Variants in PTBP2 observed in about 807,000 individuals in gnomAD.
PTBP2 encodes the protein polypyrimidine tract binding protein 2, also known as polypyrimidine tract-binding protein 2.
A neutral mutation model predicts 61.4 loss-of-function variants in PTBP2; 13 were observed. The observed-to-expected ratio is 0.21, with a 90% confidence interval of 0.14 to 0.34. The LOEUF (loss-of-function observed/expected upper bound fraction) is 0.34. PTBP2 is among the 10% of genes least tolerant of loss of function. The probability of loss-of-function intolerance (pLI) is 1.00; values close to 1 mark genes in which losing one functional copy is unlikely to be tolerated. For synonymous variants in PTBP2, 215 were observed against 218.5 expected, an observed-to-expected ratio of 0.98 and a Z score of 0.14; for missense variants, 405 against 642.6, an observed-to-expected ratio of 0.63 and a Z score of 4.00.
In PTBP2 at chr1:96,754,608, T is replaced by C. The variant is rs1654951180; in HGVS notation, c.115+3108T>C. Among the ~76,000 whole-genome samples, 3 of 152,264 alleles carry C rather than the reference T, an allele frequency of 2.0e-5. No homozygotes were observed. The South Asian group carries it at 6.2e-4, about 32-fold the overall frequency. On this transcript the variant is annotated intron_variant, in intron 3 of 13. Transcript: ENST00000674951. ...AGCATTGACTACCAGTTTTCAAGAATTACTGCAAAGCTACGGTAATTAAAA... is the reference window on the plus strand; with the variant it reads ...AGCATTGACTACCAGTTTTCAAGAACTACTGCAAAGCTACGGTAATTAAAA...
At position 96,723,613 on chromosome 1, in the gene PTBP2, T is replaced by G. The variant is rs1557676903; in HGVS notation, c.39+19T>G. 6.4e-7 allele frequency: 1 copy of G among 1,559,820 alleles called. No homozygotes were observed. ...CGTGAAGGTAGGAAAATACTATGTT[T>G]GAAACTGGGATTGTTGGATCTATTA... is the stretch of plus-strand genomic sequence containing the variant. On this transcript the variant is annotated intron_variant, in intron 2 of 13. Coordinates refer to ENST00000674951, the MANE Select transcript of PTBP2 (RefSeq NM_021190.4).
intron 2 of PTBP2, among the ~76,000 whole-genome samples, chr1:96,748,459 C>A (rs1193048045): frequency 6.6e-6 from 1 of 151,862 alleles, no homozygotes; most frequent in East Asian, 1.9e-4. Flanking sequence ...TGGTTTCTTT[C>A]TCTGACGTGT....
At chr1:96,739,719 C>G (rs1376469653) in intron 2 of PTBP2, among the ~76,000 whole-genome samples, 2 of 150,174 alleles carry the variant, frequency 1.3e-5, no homozygotes, top group African/African-American at 4.9e-5. Context: ...CTCCACCACC[C>G]GGGTTCACGC....
intron 2 of PTBP2, chr1:96,751,215 A>G (rs1570785312): frequency 1.6e-6 from 1 of 635,206 alleles, no homozygotes; most frequent in East Asian, 3.0e-5. Flanking sequence ...TTGGGCTTAG[A>G]GTAAAGAAGG....
At chr1:96,765,708 T>TTAGATAGATAGTTAGA (rs1553179380) in intron 3 of PTBP2, among the ~76,000 whole-genome samples, 1 of 147,278 alleles carries the variant, frequency 6.8e-6, no homozygotes, top group Non-Finnish European at 1.5e-5. Flanking sequence ...AGACTCTGTC[T>TTAGATAGATAGTTAGA]TAGATAGATA....
At chr1:96,769,288 G>A (rs1657109174) in intron 3 of PTBP2, among the ~76,000 whole-genome samples, 2 of 151,866 alleles carry the variant, frequency 1.3e-5, no homozygotes, top group African/African-American at 4.8e-5. Context: ...AAACAGAAAA[G>A]GTACAATAAA....
chr1:96,786,147 G>A (rs1659178761), intron 8 of PTBP2, among the ~76,000 whole-genome samples: 1 of 152,058 alleles, frequency 6.6e-6, no homozygotes, highest in Non-Finnish European at 1.5e-5. Context: ...AGAAAAAATA[G>A]TATAATTAAG....
chr1:96,818,961 C>G (rs1415959564), downstream of PTBP2: 2 of 151,864 alleles, frequency 1.3e-5, no homozygotes, highest in African/African-American at 4.8e-5. Context: ...AAATACAGGC[C>G]TGCTATTATT....
chr1:96,721,898 T>C, intron 1 of PTBP2, 26 bp downstream of exon 1: 1 of 1,570,842 alleles, frequency 6.4e-7, no homozygotes, highest in Non-Finnish European at 8.6e-7. Flanking sequence ...GGCGAGAAGG[T>C]GTGTGTGAGA....
downstream of PTBP2, chr1:96,815,572 T>C (rs1336475610): frequency 6.6e-6 from 1 of 152,168 alleles, no homozygotes; most frequent in Non-Finnish European, 1.5e-5. Flanking sequence ...TCAAATAACT[T>C]TGGAGTTACA....
intron 2 of PTBP2, among the ~76,000 whole-genome samples, 164 bp downstream of exon 2, chr1:96,723,758 A>G (rs1442923106): frequency 6.6e-6 from 1 of 152,180 alleles, no homozygotes; most frequent in Admixed American, 6.5e-5. Context: ...GTTTGTAATC[A>G]CCATAAGTTT....
intron 3 of PTBP2, among the ~76,000 whole-genome samples, chr1:96,765,293 T>C (rs987492266): frequency 3.3e-5 from 5 of 152,232 alleles, no homozygotes; most frequent in African/African-American, 9.6e-5. Flanking sequence ...AATGAAGATG[T>C]ACCTAAGTTT....
intron 8 of PTBP2, 83 bp from the exon 9 acceptor site, chr1:96,804,717 C>T (rs1221812602): frequency 2.9e-6 from 4 of 1,358,080 alleles, no homozygotes; most frequent in East Asian, 4.7e-5. Context: ...ATGCAGCCAT[C>T]GTGCTTAAAT....
At chr1:96,755,670 T>G (rs2100932953) in intron 3 of PTBP2, among the ~76,000 whole-genome samples, 1 of 152,312 alleles carries the variant, frequency 6.6e-6, no homozygotes, top group East Asian at 1.9e-4. Flanking sequence ...AATGAGCTAT[T>G]GATAGACACA....
intron 8 of PTBP2, among the ~76,000 whole-genome samples, chr1:96,786,334 C>T (rs1192206047): frequency 6.6e-6 from 1 of 151,974 alleles, no homozygotes. Context: ...ACAAATCTGA[C>T]CCTTTATTCG....
chr1:96,800,811 TAATTACTTTAATTCTC>T (rs145767053), intron 8 of PTBP2, among the ~76,000 whole-genome samples: 8,377 of 152,178 alleles, frequency 0.055, 366 homozygotes, highest in Admixed American at 0.11. Flanking sequence ...AATTATTAAC[TAATTACTTTAATTCTC>T]AATTACTATT....
chr1:96,759,685 A>G (rs1164765375), intron 3 of PTBP2, among the ~76,000 whole-genome samples: 1 of 152,232 alleles, frequency 6.6e-6, no homozygotes, highest in East Asian at 1.9e-4. Context: ...ACTCCATCAA[A>G]ATGGGAAATT....
intron 11 of PTBP2, among the ~76,000 whole-genome samples, chr1:96,807,886 G>A (rs181762565): frequency 3.3e-5 from 5 of 152,258 alleles, no homozygotes; most frequent in African/African-American, 4.8e-5. Context: ...AAAGAGATAC[G>A]AAAGTGCTGA....
rs146958590 is a variant in PTBP2, at chr1:96,735,422, C to A, written c.39+11828C>A. Among the ~76,000 whole-genome samples, 37 of 152,200 alleles carry A rather than the reference C, an allele frequency of 2.4e-4. No individual in the cohort carries two copies. The East Asian group carries it at 7.1e-3, about 29-fold the overall frequency. On this transcript the variant is annotated intron_variant, in intron 2 of 13. Transcript: ENST00000674951. The stretch of plus-strand genomic sequence containing the variant: ...CTTTTATAGCATTGAACAGGTTAAC[C>A]TCTGAGCTTCAGTTTTATACATTTT...
Sources: allele counts gnomAD v4.1 joint callset (sites outside exome capture counted in the v4.1 genomes callset), GRCh38; gene constraint gnomAD v4.1.1; transcripts MANE v1.5; gene names NCBI Gene and HGNC (gene_info 2026-07-23, HGNC 2026-07-21).